Variants in PRELID2 observed in about 807,000 individuals in gnomAD.
PRELID2 encodes the protein PRELI domain containing 2.
Under a neutral mutation model 28.4 loss-of-function variants are expected in PRELID2, and 25 were observed. The ratio of observed to expected loss-of-function variants is 0.88; its 90% CI spans 0.64 to 1.23. The LOEUF is 1.23. PRELID2 is among the 50% of genes most tolerant of loss of function. The pLI, the probability that PRELID2 is intolerant of heterozygous loss-of-function variation, is 0.00. For missense variants in PRELID2, 201 were observed against 214.4 expected (o/e 0.94, Z 0.39); for synonymous variants, 76 against 71.6 (o/e 1.06, Z -0.31).
At chr5:145,379,853 A>AGACT in the PRELID2 span, among the ~76,000 whole-genome samples, 801 of 152,214 alleles carry the variant, frequency 5.3e-3, 2 homozygotes, top group African/African-American at 0.018. Flanking sequence ...AGAGCACTCA[A>AGACT]GACTGCCCTT....
At chr5:145,398,425 G>A in the PRELID2 span, among the ~76,000 whole-genome samples, 685 of 152,094 alleles carry the variant, frequency 4.5e-3, 2 homozygotes, top group Non-Finnish European at 7.1e-3. Context: ...CCTTTCTGAA[G>A]GCCTCCCCTA....
At chr5:145,577,850 T>C (rs749682888) in intron 1 of PRELID2, among the ~76,000 whole-genome samples, 3 of 152,180 alleles carry the variant, frequency 2.0e-5, no homozygotes, top group Non-Finnish European at 4.4e-5. Context: ...AAGTATCATA[T>C]GTACTTTTTG....
intron 4 of PRELID2, among the ~76,000 whole-genome samples, chr5:145,806,248 A>C (rs1431654552): frequency 6.6e-6 from 1 of 152,212 alleles, no homozygotes; most frequent in Non-Finnish European, 1.5e-5. Context: ...AACACATTGC[A>C]TAACTGTACA....
intron 1 of PRELID2, among the ~76,000 whole-genome samples, chr5:145,485,446 T>A (rs1752208311): frequency 6.6e-6 from 1 of 152,342 alleles, no homozygotes; most frequent in South Asian, 2.1e-4. Context: ...GAACTTGAGA[T>A]AATCTTACCT....
chr5:145,546,875 C>G (rs970076857), intron 1 of PRELID2, among the ~76,000 whole-genome samples: 1 of 152,146 alleles, frequency 6.6e-6, no homozygotes, highest in Admixed American at 6.6e-5. Context: ...AGAGGGAAAA[C>G]AGCTTAGCTT....
the PRELID2 span, chr5:145,229,258 G>T: frequency 1.3e-6 from 1 of 761,668 alleles, no homozygotes. Flanking sequence ...CCTGGAGGAT[G>T]CCCGAGTTCT....
the PRELID2 span, chr5:145,441,325 G>C: frequency 6.6e-6 from 1 of 151,426 alleles, no homozygotes; most frequent in Non-Finnish European, 1.5e-5. Flanking sequence ...TGTCTCTCTT[G>C]AATCTATTCC....
intron 1 of PRELID2, among the ~76,000 whole-genome samples, chr5:145,611,470 T>C (rs1753615845): frequency 6.6e-6 from 1 of 152,110 alleles, no homozygotes; most frequent in Non-Finnish European, 1.5e-5. Context: ...AGCCTCAAAT[T>C]TTAAAAATTA....
At chr5:145,720,367 A>T (rs567250784) in intron 1 of PRELID2, among the ~76,000 whole-genome samples, 1 of 151,986 alleles carries the variant, frequency 6.6e-6, no homozygotes, top group South Asian at 2.1e-4. Flanking sequence ...AGAAGGGAAA[A>T]AAAAATCTTA....
At chr5:145,635,223 A>C (rs572888270) in intron 1 of PRELID2, among the ~76,000 whole-genome samples, 1 of 152,306 alleles carries the variant, frequency 6.6e-6, no homozygotes, top group East Asian at 1.9e-4. Flanking sequence ...CTGAAACATA[A>C]ATTCCTTAAG....
the PRELID2 span, among the ~76,000 whole-genome samples, chr5:145,299,271 C>T: frequency 2.6e-5 from 4 of 151,994 alleles, no homozygotes; most frequent in Non-Finnish European, 4.4e-5. Flanking sequence ...AGACATTCAG[C>T]TAGTATTAAG....
the PRELID2 span, among the ~76,000 whole-genome samples, chr5:145,441,517 T>C: frequency 6.6e-6 from 1 of 152,132 alleles, no homozygotes; most frequent in East Asian, 1.9e-4. Context: ...GTTCTTATCA[T>C]CACCATTGTC....
intron 4 of PRELID2, among the ~76,000 whole-genome samples, chr5:145,808,111 G>A (rs977681552): frequency 6.6e-6 from 1 of 152,122 alleles, no homozygotes; most frequent in Non-Finnish European, 1.5e-5. Flanking sequence ...GGAAATCAAG[G>A]TTAATATGAG....
At chr5:145,244,416 C>T in the PRELID2 span, among the ~76,000 whole-genome samples, 34 of 152,058 alleles carry the variant, frequency 2.2e-4, no homozygotes, top group African/African-American at 7.5e-4. Context: ...AGGTGCTCCT[C>T]GAACATCTAC....
the PRELID2 span, among the ~76,000 whole-genome samples, chr5:145,327,072 A>G: frequency 6.6e-6 from 1 of 152,102 alleles, no homozygotes. Flanking sequence ...TAAAATCGTA[A>G]AAATCACAGT....
the PRELID2 span, among the ~76,000 whole-genome samples, chr5:145,456,960 G>A: frequency 6.6e-6 from 1 of 152,128 alleles, no homozygotes; most frequent in Non-Finnish European, 1.5e-5. Flanking sequence ...ACAAAGTCAG[G>A]TCTTCTAAAT....
intron 1 of PRELID2, among the ~76,000 whole-genome samples, chr5:145,720,240 T>C (rs1297554982): frequency 6.6e-6 from 1 of 151,554 alleles, no homozygotes. Context: ...ATCCACATAC[T>C]AAATGGGCCC....
chr5:145,698,293 A>G lies in PRELID2; in HGVS notation n.70+66638T>C, dbSNP rs1755327677. ...GCCTTACCTGTAGTATACATTCATC[A>G]CCAATGATATTTTAACTTTTAAATG... On this transcript the variant is annotated intron_variant and non_coding_transcript_variant, in intron 1 of 2. Transcript: ENST00000510259. 2.0e-5 allele frequency among the ~76,000 whole-genome samples: 3 copies of G among 152,204 alleles called. No individual in the cohort carries two copies. In the South Asian group the frequency reaches 6.2e-4, roughly 32 times the overall value.
intron 1 of PRELID2, among the ~76,000 whole-genome samples, chr5:145,724,596 AATAAATATATATATAT>A (rs1284296581): frequency 7.1e-5 from 2 of 28,354 alleles, no homozygotes; most frequent in African/African-American, 1.1e-4. Flanking sequence ...ACAAGAAGTA[AATAAATATATATATAT>A]ATATATATAT....
Sources: gnomAD v4.1 joint callset for allele counts (sites outside exome capture counted in the v4.1 genomes callset) on GRCh38, gnomAD v4.1.1 for gene constraint, MANE v1.5 for transcripts, NCBI Gene and HGNC (gene_info 2026-07-23, HGNC 2026-07-21) for gene names.